SCAMP1: variants seen among roughly 807,000 people sequenced by gnomAD.
The protein encoded by SCAMP1 is secretory carrier-associated membrane protein 1.
SCAMP1 carries 15 observed loss-of-function variants against 41.8 expected under a neutral mutation model. That is an observed-to-expected ratio of 0.36 (90% CI 0.24 to 0.55). SCAMP1 has a LOEUF of 0.55. SCAMP1 is among the 20% of genes least tolerant of loss of function. SCAMP1 has a pLI of 0.86. For missense variants in SCAMP1, 341 were observed against 412.6 expected (o/e 0.83, Z 1.50); for synonymous variants, 135 against 136.8 (o/e 0.99, Z 0.09).
At chr5:78,404,602 A>G (rs1751887465) in intron 2 of SCAMP1, among the ~76,000 whole-genome samples, 1 of 152,026 alleles carries the variant, frequency 6.6e-6, no homozygotes, top group African/African-American at 2.4e-5. Flanking sequence ...GAGTCTATGG[A>G]CTTCACAAAT....
At position 78,454,702 on chromosome 5, in the gene SCAMP1, T is replaced by C. The variant is rs562668994; in HGVS notation, c.735-4543T>C. Among the ~76,000 whole-genome samples the C allele has an allele frequency of 3.2e-4, 48 of 152,338 alleles. No individual in the cohort carries two copies. In the South Asian group the frequency reaches 8.9e-3, roughly 28 times the overall value. ...TCAGAATGATGCTGGCCTCATAAAA[T>C]GACTTAGGGAGGATTCCCTCTTTTT... On this transcript the variant is annotated intron_variant, in intron 7 of 8. Transcript: ENST00000621999.
intron 6 of SCAMP1, among the ~76,000 whole-genome samples, chr5:78,442,982 G>A (rs141427244): frequency 0.012 from 1,874 of 152,158 alleles, 18 homozygotes; most frequent in Middle Eastern, 0.041. Flanking sequence ...CAAGGCAGCC[G>A]GATCATGAGG....
intron 6 of SCAMP1, among the ~76,000 whole-genome samples, chr5:78,425,007 G>C (rs1177420599): frequency 6.6e-6 from 1 of 152,204 alleles, no homozygotes; most frequent in Non-Finnish European, 1.5e-5. Context: ...TATTTGTAGA[G>C]TTGAAAGAAG....
rs1291891129 is a variant in SCAMP1, at chr5:78,395,396, T to C, written c.135+6482T>C. 3.9e-5 allele frequency among the ~76,000 whole-genome samples: 6 copies of C among 152,214 alleles called. No individual in the cohort carries two copies. The East Asian group carries it at 1.2e-3, about 29-fold the overall frequency. On this transcript the variant is annotated intron_variant, in intron 2 of 8. Coordinates refer to ENST00000621999, the MANE Select transcript of SCAMP1 (RefSeq NM_004866.6). ...TCATAAGGCTTGGCTTCTCTAGGTA[T>C]GTTTATCCCCTTCAATGGATCCAGA...
intron 7 of SCAMP1, among the ~76,000 whole-genome samples, chr5:78,450,507 T>C (rs1300721417): frequency 1.3e-5 from 2 of 152,220 alleles, no homozygotes; most frequent in Non-Finnish European, 2.9e-5. Flanking sequence ...TATATACATA[T>C]ATCTTTAAAC....
At chr5:78,402,531 A>G (rs193174823) in intron 2 of SCAMP1, among the ~76,000 whole-genome samples, 21 of 152,224 alleles carry the variant, frequency 1.4e-4, no homozygotes, top group Admixed American at 5.9e-4. Flanking sequence ...AAGGAATGCT[A>G]TGTCTTGGAG....
intron 2 of SCAMP1, among the ~76,000 whole-genome samples, chr5:78,398,169 A>G (rs572860050): frequency 1.3e-5 from 2 of 152,312 alleles, no homozygotes; most frequent in East Asian, 3.9e-4. Flanking sequence ...CAAAATTGGA[A>G]ATAGCCTATG....
chr5:78,449,887 C>G (rs1387102149), intron 6 of SCAMP1, 46 bp from the exon 7 acceptor site: 4 of 1,029,378 alleles, frequency 3.9e-6, no homozygotes, highest in Admixed American at 2.6e-5. Flanking sequence ...CCTTCTTTCT[C>G]TCCCCCTAAC....
At chr5:78,361,244 A>AT (rs1018636677) in intron 1 of SCAMP1, among the ~76,000 whole-genome samples, 30 of 150,860 alleles carry the variant, frequency 2.0e-4, no homozygotes, top group African/African-American at 7.3e-4. Context: ...AAAAAAAAAA[A>AT]GGTTATGTTT....
intron 1 of SCAMP1, among the ~76,000 whole-genome samples, chr5:78,386,127 G>A (rs1336607594): frequency 6.6e-6 from 1 of 152,010 alleles, no homozygotes; most frequent in African/African-American, 2.4e-5. Flanking sequence ...TTATAAATTT[G>A]GGACCTCCAG....
In SCAMP1 at chr5:78,480,047, A is replaced by AG. The variant is rs1754104161; in HGVS notation, c.*4380dup. ...GGCGACAGAGCGAGACTCCATCTCA[A>AG]GAAAAAAAAAAAAGAATTTTCATTA... On this transcript the variant is annotated 3_prime_UTR_variant, in exon 9 of 9. Coordinates refer to ENST00000621999, the MANE Select transcript of SCAMP1 (RefSeq NM_004866.6). 8.9e-6 allele frequency among the ~76,000 whole-genome samples: 1 copy of AG among 112,848 alleles called. No homozygotes were observed. The highest frequency in any genetic ancestry group is 1.6e-5 in the Non-Finnish European group (1 of 61,374). The allele number at this position is 112,848 out of a possible 152,430, so 74.0% of individuals were successfully genotyped here.
chr5:78,422,491 C>T (rs970414608), intron 6 of SCAMP1, among the ~76,000 whole-genome samples: 1 of 152,062 alleles, frequency 6.6e-6, no homozygotes, highest in African/African-American at 2.4e-5. Context: ...TAATGCTTTA[C>T]ATAGTATATT....
chr5:78,394,341 T>A (rs13159291), intron 2 of SCAMP1, among the ~76,000 whole-genome samples: 56,119 of 151,210 alleles, frequency 0.37, 12,517 homozygotes, highest in Non-Finnish European at 0.5. Context: ...CTTTTTTTTA[T>A]ATATATATAT....
At chr5:78,461,642 C>A (rs937360484) in intron 8 of SCAMP1, among the ~76,000 whole-genome samples, 2 of 152,040 alleles carry the variant, frequency 1.3e-5, no homozygotes, top group Admixed American at 1.3e-4. Flanking sequence ...GCTCACTGCA[C>A]CCTCAGCCTC....
chr5:78,412,614 T>A (rs532542250), intron 2 of SCAMP1, among the ~76,000 whole-genome samples: 1 of 152,164 alleles, frequency 6.6e-6, no homozygotes, highest in East Asian at 1.9e-4. Context: ...TGTTTTTCTA[T>A]CTCATGGTTT....
At chr5:78,441,178 C>T (rs548297960) in intron 6 of SCAMP1, among the ~76,000 whole-genome samples, 1 of 152,336 alleles carries the variant, frequency 6.6e-6, no homozygotes, top group East Asian at 1.9e-4. Flanking sequence ...ACACCCTGCC[C>T]TGCTTCGGCT....
rs561042616 is a variant in SCAMP1 at position 78,479,797 on chromosome 5, C to T, written c.*4129C>T. Among the ~76,000 whole-genome samples, 348 of 152,272 alleles carry T rather than the reference C, an allele frequency of 2.3e-3. 2 individuals carry two copies. Among genetic ancestry groups the T allele is most frequent in the African/African-American group, 7.9e-3 (328 of 41,556 alleles). ...GTGGCTCACGCCTGTAATCCCAGCACTTTGGGAGGCCAAGGTGGGCGGATC... is the reference window on the plus strand; with the variant it reads ...GTGGCTCACGCCTGTAATCCCAGCATTTTGGGAGGCCAAGGTGGGCGGATC... On this transcript the variant is annotated 3_prime_UTR_variant, in exon 9 of 9. Coordinates refer to ENST00000621999, the MANE Select transcript of SCAMP1 (RefSeq NM_004866.6).
intron 7 of SCAMP1, among the ~76,000 whole-genome samples, chr5:78,458,394 C>A (rs1258501512): frequency 6.6e-6 from 1 of 152,110 alleles, no homozygotes; most frequent in African/African-American, 2.4e-5. Flanking sequence ...TTTTGAACAT[C>A]TTTTCATGTG....
At chr5:78,454,511 C>A (rs1172799948) in intron 7 of SCAMP1, among the ~76,000 whole-genome samples, 121 of 151,830 alleles carry the variant, frequency 8.0e-4, no homozygotes, top group African/African-American at 2.8e-3. Context: ...ATTGAACCAG[C>A]CTTGCATCCC....
Sources: gnomAD v4.1 joint callset for allele counts (sites outside exome capture counted in the v4.1 genomes callset) on GRCh38, gnomAD v4.1.1 for gene constraint, MANE v1.5 for transcripts, NCBI Gene and HGNC (gene_info 2026-07-23, HGNC 2026-07-21) for gene names.